Variants in BRAF observed in about 807,000 individuals in gnomAD.
BRAF encodes B-Raf proto-oncogene, serine/threonine kinase, also known as serine/threonine-protein kinase B-raf.
BRAF carries 16 observed loss-of-function variants against 104.6 expected under a neutral mutation model. The ratio of observed to expected loss-of-function variants is 0.15; its 90% CI spans 0.10 to 0.23. The LOEUF (loss-of-function observed/expected upper bound fraction) is 0.23, where lower values mean the gene tolerates loss of function less well. Among genes scored for constraint, BRAF ranks in the 10% least tolerant of loss-of-function variants. The probability of loss-of-function intolerance (pLI) is 1.00; values close to 1 mark genes in which losing one functional copy is unlikely to be tolerated. For missense variants in BRAF, 541 were observed against 937.3 expected (o/e 0.58, Z 5.52); for synonymous variants, 310 against 341.6 (o/e 0.91, Z 1.02).
intron 3 of BRAF, among the ~76,000 whole-genome samples, chr7:140,821,034 T>A (rs1445700349): frequency 3.3e-5 from 5 of 152,228 alleles, no homozygotes; most frequent in Non-Finnish European, 7.3e-5. Flanking sequence ...AGGGACTCAC[T>A]CAGTTGCTCA....
chr7:140,870,457 TTAG>T (rs1260725098), intron 1 of BRAF, among the ~76,000 whole-genome samples: 3 of 152,176 alleles, frequency 2.0e-5, no homozygotes, highest in Non-Finnish European at 4.4e-5. Context: ...CTCGTTATTA[TTAG>T]TTTAGACTAT....
intron 1 of BRAF, among the ~76,000 whole-genome samples, chr7:140,898,601 C>T (rs184437964): frequency 2.6e-5 from 4 of 152,272 alleles, no homozygotes; most frequent in African/African-American, 7.2e-5. Context: ...AAACATCGTT[C>T]CATTAAAGCA....
chr7:140,726,758 GT>G (rs1795619373), intron 19 of BRAF, among the ~76,000 whole-genome samples: 1 of 152,176 alleles, frequency 6.6e-6, no homozygotes, highest in Non-Finnish European at 1.5e-5. Flanking sequence ...TTCCAGTTGG[GT>G]TTTATGTATC....
chr7:140,902,981 A>G (rs558969764), intron 1 of BRAF, among the ~76,000 whole-genome samples: 1 of 150,312 alleles, frequency 6.7e-6, no homozygotes, highest in Admixed American at 6.6e-5. Flanking sequence ...CTGGAGTACA[A>G]TGGCATGATC....
rs550367818 is a variant in BRAF, at chr7:140,828,027, G to T, written c.504+6582C>A. On this transcript the variant is annotated intron_variant, in intron 3 of 19. Transcript: ENST00000644969. Reference sequence around the variant, plus strand: ...TTCTCCTGCCTCAGCCTCCCAAATAGCTGGGTTACAGGCATGCGGCACCAC... The same window carrying T: ...TTCTCCTGCCTCAGCCTCCCAAATATCTGGGTTACAGGCATGCGGCACCAC... Among the ~76,000 whole-genome samples, 64 of 152,142 alleles carry T rather than the reference G, an allele frequency of 4.2e-4. 1 individual carries two copies. In the South Asian group the frequency reaches 0.013, roughly 31 times the overall value.
chr7:140,841,914 C>T (rs1808009816), intron 2 of BRAF, among the ~76,000 whole-genome samples: 1 of 152,026 alleles, frequency 6.6e-6, no homozygotes, highest in South Asian at 2.1e-4. Flanking sequence ...TATTTAATTT[C>T]AATGTAATGA....
At chr7:140,790,651 G>A (rs1801856902) in intron 8 of BRAF, among the ~76,000 whole-genome samples, 1 of 152,148 alleles carries the variant, frequency 6.6e-6, no homozygotes, top group Admixed American at 6.5e-5. Context: ...TTACAGAGCT[G>A]GCTATGTCCA....
intron 1 of BRAF, among the ~76,000 whole-genome samples, chr7:140,922,371 A>T (rs552587101): frequency 1.3e-5 from 2 of 152,294 alleles, no homozygotes; most frequent in East Asian, 3.9e-4. Flanking sequence ...TCACTTACTA[A>T]ATCAGACTCT....
At chr7:140,732,802 G>C (rs1796086853) in intron 19 of BRAF, 1 of 152,188 alleles carries the variant, frequency 6.6e-6, no homozygotes, top group African/African-American at 2.4e-5. Flanking sequence ...TCAATAAAGA[G>C]ACCCCTGACC....
chr7:140,722,049 A>G lies in BRAF; in HGVS notation c.*4445T>C, dbSNP rs1015960854. The G allele has an allele frequency of 9.0e-7, 1 of 1,109,488 alleles. No homozygotes were observed. Among genetic ancestry groups the G allele is most frequent in the African/African-American group, 1.6e-5 (1 of 62,364 alleles). The allele number at this position is 1,109,488 out of a possible 1,614,324, so 68.7% of individuals were successfully genotyped here. On this transcript the variant is annotated 3_prime_UTR_variant, in exon 20 of 20. Transcript: ENST00000644969. ...ATTGCTGCCCATCATACAGTACTTC[A>G]ACCCTAAACTACAGCAATTTCTGTC...
chr7:140,840,588 C>T (rs1420888716), intron 2 of BRAF, among the ~76,000 whole-genome samples: 4 of 151,664 alleles, frequency 2.6e-5, no homozygotes, highest in South Asian at 2.1e-4. Flanking sequence ...TCCAGGTGTT[C>T]GAGACCAGCC....
chr7:140,869,148 G>C (rs769709222), intron 1 of BRAF, among the ~76,000 whole-genome samples: 2 of 152,190 alleles, frequency 1.3e-5, no homozygotes, highest in Non-Finnish European at 2.9e-5. Context: ...ACATTAACCA[G>C]AGTGGAGATG....
At chr7:140,738,020 A>T (rs761487029) in intron 18 of BRAF, among the ~76,000 whole-genome samples, 1 of 152,238 alleles carries the variant, frequency 6.6e-6, no homozygotes, top group Non-Finnish European at 1.5e-5. Context: ...GAACCCGAGC[A>T]CCATGACGTG....
intron 14 of BRAF, chr7:140,758,314 T>C (rs1172401638): frequency 6.6e-6 from 1 of 152,234 alleles, no homozygotes; most frequent in Non-Finnish European, 1.5e-5. Flanking sequence ...TTAACGAGAA[T>C]GGCATTCTGT....
chr7:140,768,389 T>G (rs1799529827), intron 14 of BRAF, among the ~76,000 whole-genome samples: 2 of 152,218 alleles, frequency 1.3e-5, no homozygotes, highest in Non-Finnish European at 2.9e-5. Context: ...ACAAAACTCA[T>G]GTGGAGGCTT....
At position 140,924,418 on chromosome 7, in the gene BRAF, G is replaced by T; in HGVS notation, c.138+148C>A. ...GCGCTGCATGACGGAGAGGGACACG[G>T]GGGCGATGCCCACCTCCCAGCCCGC... is the stretch of plus-strand genomic sequence containing the variant. On this transcript the variant is annotated intron_variant, in intron 1 of 19. Transcript: ENST00000644969. The surrounding 1 kb of genome is among the most constrained non-coding windows in gnomAD (Gnocchi z 4.2). The T allele has an allele frequency of 4.2e-6, 5 of 1,194,680 alleles. No individual in the cohort carries two copies. Among genetic ancestry groups the T allele is most frequent in the Non-Finnish European group, 5.9e-6 (5 of 850,972 alleles). The allele number at this position is 1,194,680 out of a possible 1,614,324, so 74.0% of individuals were successfully genotyped here.
intron 1 of BRAF, among the ~76,000 whole-genome samples, chr7:140,854,620 A>C (rs1325329753): frequency 1.3e-5 from 2 of 152,296 alleles, no homozygotes; most frequent in East Asian, 3.9e-4. Flanking sequence ...TGAGCTGATT[A>C]GAATAAAATT....
chr7:140,871,187 A>G (rs1381925838), intron 1 of BRAF, among the ~76,000 whole-genome samples: 1 of 140,286 alleles, frequency 7.1e-6, no homozygotes, highest in African/African-American at 2.6e-5. Context: ...GCTTGCAGTG[A>G]GCCGAGATCG....
At chr7:140,783,280 C>T (rs1247844669) in intron 10 of BRAF, 123 bp from the exon 10 acceptor site, 6 of 1,268,242 alleles carry the variant, frequency 4.7e-6, no homozygotes, top group Non-Finnish European at 6.5e-6. Flanking sequence ...TAAATATAGA[C>T]CTTTTGGAAA....
Sources: allele counts gnomAD v4.1 joint callset (sites outside exome capture counted in the v4.1 genomes callset), GRCh38; gene constraint gnomAD v4.1.1; non-coding constraint Gnocchi (gnomAD v3.1); transcripts MANE v1.5; gene names NCBI Gene and HGNC (gene_info 2026-07-23, HGNC 2026-07-21).